Variants in GALNT13 observed in about 807,000 individuals in gnomAD.
GALNT13 encodes UDP-GalNAc:polypeptide N-acetylgalactosaminyltransferase 13.
Under a neutral mutation model 64.2 loss-of-function variants are expected in GALNT13, and 28 were observed. The ratio of observed to expected loss-of-function variants is 0.44; its 90% CI spans 0.32 to 0.60. GALNT13 has a LOEUF of 0.60. Among genes scored for constraint, GALNT13 ranks in the 20% least tolerant of loss-of-function variants. GALNT13 has a pLI of 0.05. For missense variants in GALNT13, 577 were observed against 669.8 expected, an observed-to-expected ratio of 0.86 and a Z score of 1.53; for synonymous variants, 214 against 224.6, an observed-to-expected ratio of 0.95 and a Z score of 0.42.
At chr2:153,821,617 A>G in the GALNT13 span, among the ~76,000 whole-genome samples, 2 of 152,176 alleles carry the variant, frequency 1.3e-5, no homozygotes, top group Admixed American at 1.3e-4. Flanking sequence ...TAAATGCTAA[A>G]TGCCTATATC....
the GALNT13 span, among the ~76,000 whole-genome samples, chr2:153,573,845 G>T: frequency 6.6e-6 from 1 of 151,902 alleles, no homozygotes; most frequent in Non-Finnish European, 1.5e-5. Context: ...TCATTGTTTT[G>T]TCTTTCTACT....
chr2:153,267,579 C>G, the GALNT13 span, among the ~76,000 whole-genome samples: 4 of 152,148 alleles, frequency 2.6e-5, no homozygotes, highest in Non-Finnish European at 5.9e-5. Flanking sequence ...GGCAGGAACC[C>G]AAGGCACCAA....
chr2:154,307,367 G>T (rs949799433), intron 9 of GALNT13, among the ~76,000 whole-genome samples: 2 of 152,076 alleles, frequency 1.3e-5, no homozygotes, highest in African/African-American at 4.8e-5. Flanking sequence ...ATACATTTTG[G>T]TATTTATATT....
intron 1 of GALNT13, among the ~76,000 whole-genome samples, chr2:153,891,408 C>T (rs1326880148): frequency 6.6e-6 from 1 of 151,912 alleles, no homozygotes; most frequent in African/African-American, 2.4e-5. Flanking sequence ...AGAGATTGTG[C>T]ACTTTATATG....
chr2:153,807,404 T>A, the GALNT13 span, among the ~76,000 whole-genome samples: 1 of 151,998 alleles, frequency 6.6e-6, no homozygotes, highest in Admixed American at 6.6e-5. Flanking sequence ...ATTAGATAAC[T>A]ACCTTTGCCT....
chr2:153,698,654 C>T, the GALNT13 span, among the ~76,000 whole-genome samples: 1 of 152,132 alleles, frequency 6.6e-6, no homozygotes, highest in South Asian at 2.1e-4. Flanking sequence ...GAGACTTTAA[C>T]ATCCCACTGT....
chr2:153,199,161 C>G, the GALNT13 span, among the ~76,000 whole-genome samples: 1 of 152,188 alleles, frequency 6.6e-6, no homozygotes, highest in African/African-American at 2.4e-5. Context: ...TGAAGGGCAG[C>G]CTGGCAAGTA....
At chr2:153,409,765 TA>T in the GALNT13 span, among the ~76,000 whole-genome samples, 11 of 152,208 alleles carry the variant, frequency 7.2e-5, no homozygotes, top group African/African-American at 2.6e-4. Context: ...TTTCCCAGGA[TA>T]TTGATGTAAA....
At chr2:153,867,721 G>A (rs1685790713), upstream of GALNT13, among the ~76,000 whole-genome samples, 1 of 151,788 alleles carries the variant, frequency 6.6e-6, no homozygotes, top group Non-Finnish European at 1.5e-5. Flanking sequence ...GGTCCCATCT[G>A]GGGGTGATGG....
At chr2:153,159,295 T>C in the GALNT13 span, 6 of 152,168 alleles carry the variant, frequency 3.9e-5, no homozygotes, top group Non-Finnish European at 7.4e-5. Context: ...GGTGCCTCTG[T>C]TGGAGAATTT....
intron 4 of GALNT13, among the ~76,000 whole-genome samples, chr2:154,178,278 A>G (rs1685764553): frequency 6.6e-6 from 1 of 152,080 alleles, no homozygotes. Context: ...CATTTGGTAG[A>G]TTTGGCAGAT....
intron 3 of GALNT13, among the ~76,000 whole-genome samples, chr2:154,132,600 G>T (rs1682681947): frequency 6.6e-6 from 1 of 152,040 alleles, no homozygotes; most frequent in African/African-American, 2.4e-5. Flanking sequence ...AATCATGTAT[G>T]CAGGGCTGGG....
chr2:153,254,357 C>G, the GALNT13 span, among the ~76,000 whole-genome samples: 1 of 152,144 alleles, frequency 6.6e-6, no homozygotes, highest in South Asian at 2.1e-4. Context: ...ATTCTTCTCT[C>G]TTTTTTTCTT....
At chr2:154,315,905 T>C (rs1694293724) in intron 9 of GALNT13, among the ~76,000 whole-genome samples, 2 of 152,112 alleles carry the variant, frequency 1.3e-5, no homozygotes, top group Admixed American at 6.6e-5. Flanking sequence ...CTGACCAACA[T>C]GGTCAAACCC....
the GALNT13 span, among the ~76,000 whole-genome samples, chr2:153,209,980 A>G: frequency 6.6e-6 from 1 of 152,100 alleles, no homozygotes; most frequent in East Asian, 1.9e-4. Context: ...TTTAGTATAT[A>G]ATTATATTTG....
At chr2:153,979,074 C>T (rs1313494940) in intron 3 of GALNT13, among the ~76,000 whole-genome samples, 1 of 151,980 alleles carries the variant, frequency 6.6e-6, no homozygotes, top group African/African-American at 2.4e-5. Context: ...ATATAAGAAA[C>T]ACTCTGAAAG....
At chr2:153,482,736 G>C in the GALNT13 span, among the ~76,000 whole-genome samples, 1,933 of 151,054 alleles carry the variant, frequency 0.013, 25 homozygotes, top group Non-Finnish European at 0.018. Flanking sequence ...CTCCCAAAGT[G>C]CTAGGATTAC....
At chr2:153,524,454 G>A in the GALNT13 span, among the ~76,000 whole-genome samples, 3 of 151,760 alleles carry the variant, frequency 2.0e-5, no homozygotes, top group Non-Finnish European at 4.4e-5. Flanking sequence ...AGTCAGATGA[G>A]CACTCACAGT....
At chr2:153,654,071 G>A in the GALNT13 span, among the ~76,000 whole-genome samples, 1 of 151,918 alleles carries the variant, frequency 6.6e-6, no homozygotes, top group Non-Finnish European at 1.5e-5. Context: ...GATACACATG[G>A]CACCCCCCAT....
Sources: gnomAD v4.1 joint callset for allele counts (sites outside exome capture counted in the v4.1 genomes callset) on GRCh38, gnomAD v4.1.1 for gene constraint, MANE v1.5 for transcripts, NCBI Gene and HGNC (gene_info 2026-07-23, HGNC 2026-07-21) for gene names.